CHMP4C: variants seen among roughly 807,000 people sequenced by gnomAD.
The protein encoded by CHMP4C is SNF7 homolog associated with Alix 3.
Under a neutral mutation model 29.0 loss-of-function variants are expected in CHMP4C, and 28 were observed. That is an observed-to-expected ratio of 0.97 (90% confidence interval 0.72 to 1.32). The LOEUF (loss-of-function observed/expected upper bound fraction) is 1.32. CHMP4C is among the 40% of genes most tolerant of loss of function. The pLI, the probability that CHMP4C is intolerant of heterozygous loss-of-function variation, is 0.00. For synonymous variants in CHMP4C, 106 were observed against 102.4 expected (o/e 1.04, Z -0.21); for missense variants, 291 against 281.0 (o/e 1.04, Z -0.25).
chr8:81,739,420 G>GCA (rs1554592453), intron 1 of CHMP4C, among the ~76,000 whole-genome samples: 6 of 135,146 alleles, frequency 4.4e-5, no homozygotes, highest in African/African-American at 1.9e-4. Flanking sequence ...GGGGATTGTG[G>GCA]GGGGGGGTGG....
intron 1 of CHMP4C, among the ~76,000 whole-genome samples, chr8:81,739,427 GT>G (rs1730953911): frequency 3.2e-5 from 4 of 126,382 alleles, no homozygotes; most frequent in African/African-American, 1.2e-4. Flanking sequence ...GTGGGGGGGG[GT>G]GGAAAAAAAA....
intron 1 of CHMP4C, among the ~76,000 whole-genome samples, chr8:81,735,785 A>G (rs1808680824): frequency 1.3e-5 from 2 of 152,284 alleles, no homozygotes; most frequent in Non-Finnish European, 2.9e-5. Flanking sequence ...TTTAATTAGC[A>G]TAATAAATGT....
intron 1 of CHMP4C, among the ~76,000 whole-genome samples, chr8:81,743,606 T>C (rs1430547933): frequency 6.6e-6 from 1 of 152,226 alleles, no homozygotes; most frequent in African/African-American, 2.4e-5. Context: ...TCTGAAGCAA[T>C]TAATTACAAG....
intron 1 of CHMP4C, among the ~76,000 whole-genome samples, chr8:81,741,148 T>A (rs929731009): frequency 1.3e-5 from 2 of 152,192 alleles, no homozygotes; most frequent in Non-Finnish European, 2.9e-5. Flanking sequence ...TTTCTTATGT[T>A]ATATAATATT....
Position 81,753,218 on chromosome 8 carries a change from G to A in CHMP4C, c.345G>A (p.Ala115=), listed in dbSNP as rs140893589. 6.9e-6 allele frequency: 11 copies of A among 1,604,776 alleles called. No individual in the cohort carries two copies. Among genetic ancestry groups the A allele is most frequent in the Middle Eastern group, 3.3e-4 (2 of 6,018 alleles). ...VLRNMGFAAK[A]MKSVHENMDL... ...GGAACATGGGCTTTGCAGCAAAAGC[G>A]ATGAAATCTGTTCATGAAAACATGT... is the stretch of plus-strand genomic sequence containing the variant. Residue 115 remains alanine, a synonymous_variant, in exon 2 of 5, where the codon GCG becomes GCA. Coordinates refer to ENST00000297265, the MANE Select transcript of CHMP4C (RefSeq NM_152284.4).
chr8:81,732,693 C>A lies in CHMP4C; in HGVS notation c.67C>A (p.Gln23Lys), dbSNP rs930291170. ...TAAGAGCCGAGCCGCTCCCAGTCCC[C>A]AGGAGGCCCTGGTCCGACTTCGGGA... ...SSKSRAAPSP[Q>K]EALVRLRETE... The change falls in exon 1 of 5, where the codon CAG becomes AAG. Residue 23 changes from glutamine to lysine, a missense_variant. Transcript: ENST00000297265. 6.3e-7 allele frequency: 1 copy of A among 1,590,860 alleles called. No individual in the cohort carries two copies. The highest frequency in any genetic ancestry group is 8.6e-7 in the Non-Finnish European group (1 of 1,168,652).
At chr8:81,743,257 A>G (rs1423206137) in intron 1 of CHMP4C, among the ~76,000 whole-genome samples, 1 of 150,488 alleles carries the variant, frequency 6.6e-6, no homozygotes, top group African/African-American at 2.4e-5. Context: ...TATACATAAT[A>G]TATTATATAT....
At position 81,732,570 on chromosome 8, in the gene CHMP4C, G is replaced by A. The variant is rs1808631260; in HGVS notation, c.-57G>A. ...CTTGCTCACCTGTCCCCTCGGCGCGGCCCCGGGGAGCTCCCGAGAGGCCCC... is the reference window on the plus strand; with the variant it reads ...CTTGCTCACCTGTCCCCTCGGCGCGACCCCGGGGAGCTCCCGAGAGGCCCC... On this transcript the variant is annotated 5_prime_UTR_variant, in exon 1 of 5. Transcript: ENST00000297265. The A allele has an allele frequency of 1.4e-6, 2 of 1,385,190 alleles. No individual in the cohort carries two copies. The highest frequency in any genetic ancestry group is 1.9e-6 in the Non-Finnish European group (2 of 1,026,952). The allele number at this position is 1,385,190 out of a possible 1,614,324, so 85.8% of individuals were successfully genotyped here. A position where few individuals can be genotyped will look rare whatever the true frequency, so the allele number is the denominator to read the frequency against.
intron 1 of CHMP4C, among the ~76,000 whole-genome samples, chr8:81,735,475 T>C (rs992360341): frequency 2.4e-4 from 36 of 152,164 alleles, no homozygotes; most frequent in African/African-American, 8.0e-4. Context: ...TGATATAAAA[T>C]AGTAAAATAA....
At chr8:81,746,623 T>A (rs984228337) in intron 1 of CHMP4C, among the ~76,000 whole-genome samples, 1 of 152,226 alleles carries the variant, frequency 6.6e-6, no homozygotes, top group African/African-American at 2.4e-5. Context: ...TCTGCCTGGC[T>A]CCCTCTGAGT....
chr8:81,743,697 A>G (rs1563619879), intron 1 of CHMP4C, among the ~76,000 whole-genome samples: 3 of 152,202 alleles, frequency 2.0e-5, no homozygotes, highest in South Asian at 4.1e-4. Flanking sequence ...AGGCACTTTT[A>G]GATCATGAAC....
At position 81,758,758 on chromosome 8, in the gene CHMP4C, C is replaced by T. The variant is rs974731239; in HGVS notation, c.*214C>T. 1.2e-5 allele frequency: 6 copies of T among 503,874 alleles called. No individual in the cohort carries two copies. The highest frequency in any genetic ancestry group is 5.9e-5 in the African/African-American group (3 of 51,216). 31.2% of individuals were successfully genotyped at this position (503,874 alleles called of 1,614,324 possible). A position where few individuals can be genotyped will look rare whatever the true frequency, so the allele number is the denominator to read the frequency against. ...GGCACGGTATCTCATGCCTATAATCCCAGCACTTTGGGAGGCTGAGGCAGT... is the reference window on the plus strand; with the variant it reads ...GGCACGGTATCTCATGCCTATAATCTCAGCACTTTGGGAGGCTGAGGCAGT... On this transcript the variant is annotated 3_prime_UTR_variant, in exon 5 of 5. Transcript: ENST00000297265.
Position 81,732,532 on chromosome 8 carries a change from C to T in CHMP4C, c.-95C>T. ...AGGGCCGCCTTTCCGGTCTGGGTCC[C>T]CGAGAGGACTGCCTTGCTCACCTGT... On this transcript the variant is annotated 5_prime_UTR_variant, in exon 1 of 5. Coordinates refer to ENST00000297265, the MANE Select transcript of CHMP4C (RefSeq NM_152284.4). 1.1e-6 allele frequency: 1 copy of T among 898,562 alleles called. No individual in the cohort carries two copies. Among genetic ancestry groups the T allele is most frequent in the East Asian group, 2.7e-5 (1 of 37,158 alleles). 55.7% of individuals were successfully genotyped at this position (898,562 alleles called of 1,614,324 possible).
intron 1 of CHMP4C, among the ~76,000 whole-genome samples, chr8:81,734,577 G>A (rs935383932): frequency 6.6e-6 from 1 of 152,130 alleles, no homozygotes; most frequent in Non-Finnish European, 1.5e-5. Context: ...TGATCCACCT[G>A]CCTTGGCCTC....
At chr8:81,743,314 C>T (rs1230238550) in intron 1 of CHMP4C, among the ~76,000 whole-genome samples, 1 of 151,160 alleles carries the variant, frequency 6.6e-6, no homozygotes, top group African/African-American at 2.4e-5. Context: ...TAAAATTAAG[C>T]ATAATCAGCT....
chr8:81,754,451 CT>C (rs1238539092), intron 2 of CHMP4C, among the ~76,000 whole-genome samples: 1 of 152,050 alleles, frequency 6.6e-6, no homozygotes, highest in Non-Finnish European at 1.5e-5. Flanking sequence ...TAAAAGTATT[CT>C]TTTTGATTAT....
chr8:81,744,763 C>T (rs1210120050), intron 1 of CHMP4C, among the ~76,000 whole-genome samples: 1 of 152,138 alleles, frequency 6.6e-6, no homozygotes, highest in Non-Finnish European at 1.5e-5. Flanking sequence ...GGTGATTGCC[C>T]ATTTCATATT....
chr8:81,743,439 C>T (rs2130481900), intron 1 of CHMP4C, among the ~76,000 whole-genome samples: 1 of 152,062 alleles, frequency 6.6e-6, no homozygotes, highest in East Asian at 1.9e-4. Context: ...ATTAATAACA[C>T]TAGCAGCAAA....
At chr8:81,754,553 G>A (rs529025827) in intron 2 of CHMP4C, among the ~76,000 whole-genome samples, 2 of 152,044 alleles carry the variant, frequency 1.3e-5, no homozygotes, top group Non-Finnish European at 2.9e-5. Context: ...TGGTATTTAG[G>A]CTACTTAATA....
Sources: allele counts gnomAD v4.1 joint callset (sites outside exome capture counted in the v4.1 genomes callset), GRCh38; gene constraint gnomAD v4.1.1; transcripts MANE v1.5; gene names NCBI Gene and HGNC (gene_info 2026-07-23, HGNC 2026-07-21).